Variants in DOCK8 observed in about 807,000 individuals in gnomAD.
DOCK8 encodes the protein dedicator of cytokinesis 8.
In DOCK8, 141 loss-of-function variants were observed where a neutral mutation model predicts 245.6. The observed-to-expected ratio is 0.57, with a 90% CI of 0.50 to 0.66. DOCK8 has a LOEUF of 0.66. Ranked by LOEUF, DOCK8 falls within the 30% of genes least tolerant of loss-of-function variation. The probability of loss-of-function intolerance (pLI) is 0.00; values close to 1 mark genes in which losing one functional copy is unlikely to be tolerated. For synonymous variants in DOCK8, 1,168 were observed against 970.2 expected (o/e 1.20, Z -3.79); for missense variants, 2,965 against 2,603.4 (o/e 1.14, Z -3.02).
At chr9:372,354 A>G (rs1340781428) in intron 18 of DOCK8, 68 bp downstream of exon 18, 3 of 1,261,580 alleles carry the variant, frequency 2.4e-6, no homozygotes, top group Non-Finnish European at 3.5e-6. Flanking sequence ...TCCCAGACTC[A>G]CTTTCCATTC....
chr9:373,671 G>T (rs765836637), intron 18 of DOCK8, among the ~76,000 whole-genome samples: 1 of 152,122 alleles, frequency 6.6e-6, no homozygotes, highest in African/African-American at 2.4e-5. Context: ...GCCATCTACC[G>T]TCTCACTTCC....
chr9:253,135 C>G (rs2047689485), intron 1 of DOCK8, among the ~76,000 whole-genome samples: 1 of 152,160 alleles, frequency 6.6e-6, no homozygotes, highest in Admixed American at 6.5e-5. Context: ...CCTTAGCTTC[C>G]TATGCATCTA....
chr9:311,025 C>T (rs1053039686), intron 5 of DOCK8, among the ~76,000 whole-genome samples: 1 of 152,092 alleles, frequency 6.6e-6, no homozygotes, highest in Non-Finnish European at 1.5e-5. Flanking sequence ...GTGGCTCACC[C>T]CTGTAATCCT....
intron 36 of DOCK8, among the ~76,000 whole-genome samples, chr9:430,869 TTTTA>T (rs777293191): frequency 1.3e-5 from 2 of 151,992 alleles, no homozygotes; most frequent in Non-Finnish European, 2.9e-5. Flanking sequence ...TATTTTAATA[TTTTA>T]TTTATTTATT....
At position 240,128 on chromosome 9, in the gene DOCK8, C is replaced by T. The variant is rs2047344832; in HGVS notation, c.53+25099C>T. Among the ~76,000 whole-genome samples, 4 of 152,148 alleles carry T rather than the reference C, an allele frequency of 2.6e-5. No homozygotes were observed. The South Asian group carries it at 8.3e-4, about 31-fold the overall frequency. On this transcript the variant is annotated intron_variant, in intron 1 of 47. Coordinates refer to ENST00000432829, the MANE Select transcript of DOCK8 (RefSeq NM_203447.4). ...TTGCAAGGTTTTGTGTGGCATCTGC[C>T]TTTAAAAGGTTAAAGATATTTTTAC...
At chr9:370,590 TTTCC>T (rs2053242326) in intron 16 of DOCK8, among the ~76,000 whole-genome samples, 1 of 152,208 alleles carries the variant, frequency 6.6e-6, no homozygotes, top group Non-Finnish European at 1.5e-5. Flanking sequence ...AGGAAACACA[TTTCC>T]TAACTTGCTT....
chr9:337,388 T>TGA (rs1322463971), intron 12 of DOCK8, among the ~76,000 whole-genome samples: 5 of 152,224 alleles, frequency 3.3e-5, no homozygotes, highest in African/African-American at 1.2e-4. Flanking sequence ...CTATTTTAAC[T>TGA]GAGAGAAGGG....
intron 14 of DOCK8, among the ~76,000 whole-genome samples, chr9:350,009 T>C (rs1484329294): frequency 1.2e-4 from 18 of 152,234 alleles, no homozygotes; most frequent in Admixed American, 1.2e-3. Flanking sequence ...ACTCCCATTG[T>C]TGAAAACATG....
intron 26 of DOCK8, among the ~76,000 whole-genome samples, chr9:403,970 A>ATG (rs1564021857): frequency 2.8e-4 from 20 of 71,226 alleles, no homozygotes; most frequent in African/African-American, 2.0e-3. Context: ...GTATATATAT[A>ATG]TATATGTGTA....
intron 30 of DOCK8, 186 bp from the exon 31 acceptor site, chr9:420,215 A>G: frequency 1.4e-6 from 1 of 691,528 alleles, no homozygotes; most frequent in South Asian, 1.7e-5. Flanking sequence ...TACTCAAAGA[A>G]CACAGCTTCC....
At chr9:463,288 A>C (rs1306141039) in intron 46 of DOCK8, among the ~76,000 whole-genome samples, 1 of 148,554 alleles carries the variant, frequency 6.7e-6, no homozygotes, top group African/African-American at 2.5e-5. Context: ...AAAAAAAAAA[A>C]CAAACACAGA....
At chr9:227,621 C>G (rs4740661) in intron 1 of DOCK8, among the ~76,000 whole-genome samples, 2 of 152,006 alleles carry the variant, frequency 1.3e-5, no homozygotes, top group African/African-American at 2.4e-5. Flanking sequence ...ATAACCTAGC[C>G]CACCCTAACA....
intron 17 of DOCK8, 102 bp from the exon 18 acceptor site, chr9:372,083 C>A (rs1298510404): frequency 2.0e-6 from 2 of 1,015,382 alleles, no homozygotes; most frequent in South Asian, 1.3e-5. Flanking sequence ...TGGTCAATAT[C>A]TACTCACTGT....
In DOCK8 at chr9:223,850, G is replaced by A. The variant is rs141153472; in HGVS notation, c.53+8821G>A. On this transcript the variant is annotated intron_variant, in intron 1 of 47. Coordinates refer to ENST00000432829, the MANE Select transcript of DOCK8 (RefSeq NM_203447.4). ...TCTGTTGCCCATTTCTGTTCTCCCT[G>A]CTGCTCCCTGAGAGTACTAACACAA... 8.6e-4 allele frequency among the ~76,000 whole-genome samples: 130 copies of A among 152,014 alleles called. 2 individuals are homozygous for A. In the East Asian group the frequency reaches 0.02, roughly 23 times the overall value.
rs1276698802 is a variant in DOCK8 at position 264,109 on chromosome 9, C to G, written c.54-7518C>G. Among the ~76,000 whole-genome samples, 6 of 152,340 alleles carry G rather than the reference C, an allele frequency of 3.9e-5. No homozygotes were observed. The East Asian group carries it at 5.8e-4, about 15-fold the overall frequency. On this transcript the variant is annotated intron_variant, in intron 1 of 47. Transcript: ENST00000432829. Reference sequence around the variant, plus strand: ...GACTCAACACACTTTTCTGGAAAGACTCTCTTTTCTTTAAACACAAGACAC... The same window carrying G: ...GACTCAACACACTTTTCTGGAAAGAGTCTCTTTTCTTTAAACACAAGACAC...
intron 46 of DOCK8, among the ~76,000 whole-genome samples, chr9:453,351 TA>T (rs2057526784): frequency 6.6e-6 from 1 of 151,380 alleles, no homozygotes. Flanking sequence ...ACAGAAAAAC[TA>T]GTTGTTGTTG....
chr9:364,641 G>GAA lies in DOCK8; in HGVS notation c.1680-3360_1680-3359dup, dbSNP rs34033459. Among the ~76,000 whole-genome samples the GAA allele has an allele frequency of 4.3e-4, 36 of 84,498 alleles. 1 individual carries two copies. Among genetic ancestry groups the GAA allele is most frequent in the African/African-American group, 7.4e-4 (17 of 22,988 alleles). The allele number at this position is 84,498 out of a possible 152,430, so 55.4% of individuals were successfully genotyped here. ...AGAGTGAGATCCTGTCTCAAAAATT[G>GAA]AAAAAAAAAAAAAAAAAAGGTTTAA... On this transcript the variant is annotated intron_variant, in intron 14 of 47. Coordinates refer to ENST00000432829, the MANE Select transcript of DOCK8 (RefSeq NM_203447.4).
chr9:309,541 T>A (rs1278099140), intron 5 of DOCK8, among the ~76,000 whole-genome samples: 2 of 152,190 alleles, frequency 1.3e-5, no homozygotes, highest in Non-Finnish European at 2.9e-5. Context: ...AGTCTTTGGT[T>A]CAAAGCATGC....
At chr9:342,155 C>T (rs1000649929) in intron 14 of DOCK8, among the ~76,000 whole-genome samples, 3 of 151,996 alleles carry the variant, frequency 2.0e-5, no homozygotes, top group Non-Finnish European at 2.9e-5. Flanking sequence ...CATCCCCTGC[C>T]CCCCGCTGCC....
Sources: allele counts gnomAD v4.1 joint callset (sites outside exome capture counted in the v4.1 genomes callset), GRCh38; gene constraint gnomAD v4.1.1; transcripts MANE v1.5; gene names NCBI Gene and HGNC (gene_info 2026-07-23, HGNC 2026-07-21).